The following POLR3B variants were observed in gnomAD, a reference collection of about 807,000 sequenced individuals.
The protein encoded by POLR3B is RNA polymerase III subunit B, also known as DNA-directed RNA polymerase III subunit RPC2.
POLR3B carries 96 observed loss-of-function variants against 147.4 expected under a neutral mutation model. That is an observed-to-expected ratio of 0.65 (90% CI 0.55 to 0.77). The LOEUF (loss-of-function observed/expected upper bound fraction) is 0.77, where lower values mean the gene tolerates loss of function less well. Among genes scored for constraint, POLR3B ranks in the 30% least tolerant of loss-of-function variants. The pLI, the probability that POLR3B is intolerant of heterozygous loss-of-function variation, is 0.00. For synonymous variants in POLR3B, 461 were observed against 485.9 expected, an observed-to-expected ratio of 0.95 and a Z score of 0.67; for missense variants, 1,036 against 1,413.5, an observed-to-expected ratio of 0.73 and a Z score of 4.28.
intron 10 of POLR3B, among the ~76,000 whole-genome samples, chr12:106,403,371 A>G (rs1243735740): frequency 1.3e-5 from 2 of 150,298 alleles, no homozygotes; most frequent in African/African-American, 4.9e-5. Flanking sequence ...GGGACTGTAA[A>G]CTAGTTCAAC....
At chr12:106,481,401 G>C (rs921426396) in intron 23 of POLR3B, among the ~76,000 whole-genome samples, 7 of 152,214 alleles carry the variant, frequency 4.6e-5, no homozygotes, top group Non-Finnish European at 1.0e-4. Flanking sequence ...GGATTGGGCG[G>C]CTTTGACTCA....
rs769844445 is a variant in POLR3B at position 106,427,380 on chromosome 12, TA to T, written c.1263+23del. ...TACCGTAAGTCTTCAGTCACTCTTTTAGGATTTTGTAATTTATTTGTAAACC... is the reference window on the plus strand; with the variant it reads ...TACCGTAAGTCTTCAGTCACTCTTTTGGATTTTGTAATTTATTTGTAAACC... On this transcript the variant is annotated intron_variant, in intron 13 of 27. Coordinates refer to ENST00000228347, the MANE Select transcript of POLR3B (RefSeq NM_018082.6). 9 of 1,603,406 alleles carry T rather than the reference TA, an allele frequency of 5.6e-6. No individual in the cohort carries two copies. In the South Asian group the frequency reaches 8.8e-5, roughly 16 times the overall value.
chr12:106,435,365 G>A (rs368916640), intron 16 of POLR3B, among the ~76,000 whole-genome samples: 62 of 151,700 alleles, frequency 4.1e-4, no homozygotes, highest in African/African-American at 1.4e-3. Context: ...GGCTGGTCTC[G>A]AACTCCTGGC....
chr12:106,481,346 G>A (rs2038265307), intron 23 of POLR3B, among the ~76,000 whole-genome samples: 1 of 152,244 alleles, frequency 6.6e-6, no homozygotes, highest in Non-Finnish European at 1.5e-5. Context: ...GAAGGGATCA[G>A]AGTCTGGACA....
At chr12:106,419,114 C>T (rs1293240496) in intron 12 of POLR3B, among the ~76,000 whole-genome samples, 2 of 152,184 alleles carry the variant, frequency 1.3e-5, no homozygotes, top group East Asian at 1.9e-4. Context: ...TTGCCAGTTT[C>T]CACAGGAAGT....
At chr12:106,466,130 T>G (rs1246483265) in intron 23 of POLR3B, among the ~76,000 whole-genome samples, 1 of 152,226 alleles carries the variant, frequency 6.6e-6, no homozygotes, top group Non-Finnish European at 1.5e-5. Flanking sequence ...TCCTGACTTT[T>G]TAATGATCGC....
At chr12:106,385,446 T>C (rs950783986) in intron 9 of POLR3B, among the ~76,000 whole-genome samples, 4 of 152,162 alleles carry the variant, frequency 2.6e-5, no homozygotes, top group African/African-American at 9.7e-5. Context: ...TCAATAGTTA[T>C]GATAGTGGAA....
At chr12:106,427,072 A>G (rs1020698101) in intron 12 of POLR3B, 125 bp from the exon 13 acceptor site, 5 of 686,488 alleles carry the variant, frequency 7.3e-6, no homozygotes, top group Non-Finnish European at 1.2e-5. Flanking sequence ...GAAAATAGCA[A>G]TTTTTTTTCT....
At chr12:106,489,746 A>G (rs2038384260) in intron 23 of POLR3B, among the ~76,000 whole-genome samples, 1 of 152,202 alleles carries the variant, frequency 6.6e-6, no homozygotes. Context: ...AAAGAACCTG[A>G]TTTAAAGTAA....
At chr12:106,388,697 G>A (rs1326410927) in intron 9 of POLR3B, among the ~76,000 whole-genome samples, 1 of 152,204 alleles carries the variant, frequency 6.6e-6, no homozygotes, top group East Asian at 1.9e-4. Context: ...TGGGACTACT[G>A]TGAGTAATAA....
intron 9 of POLR3B, among the ~76,000 whole-genome samples, chr12:106,391,351 C>T (rs1375784248): frequency 6.6e-6 from 1 of 152,126 alleles, no homozygotes; most frequent in African/African-American, 2.4e-5. Flanking sequence ...TCATACGTGC[C>T]ACCTTCACAT....
At chr12:106,404,058 G>C (rs1348757951) in intron 10 of POLR3B, among the ~76,000 whole-genome samples, 1 of 150,936 alleles carries the variant, frequency 6.6e-6, no homozygotes, top group Non-Finnish European at 1.5e-5. Flanking sequence ...GTACCATTTT[G>C]CATTTACACC....
chr12:106,369,757 T>G, intron 6 of POLR3B, 74 bp downstream of exon 6: 1 of 966,790 alleles, frequency 1.0e-6, no homozygotes. Context: ...TTTCCTCATC[T>G]GAAAAATGCA....
intron 19 of POLR3B, among the ~76,000 whole-genome samples, chr12:106,452,022 G>T (rs760786723): frequency 2.0e-5 from 3 of 152,052 alleles, no homozygotes; most frequent in African/African-American, 7.2e-5. Context: ...TATATGTAAC[G>T]CCCTTTTTAA....
intron 10 of POLR3B, among the ~76,000 whole-genome samples, chr12:106,400,191 C>G (rs954131576): frequency 1.2e-4 from 18 of 152,240 alleles, no homozygotes; most frequent in Admixed American, 5.2e-4. Flanking sequence ...ATCCTAGTCT[C>G]TGATAAAACA....
At chr12:106,440,725 C>CTTT (rs139194243) in intron 18 of POLR3B, among the ~76,000 whole-genome samples, 2 of 143,256 alleles carry the variant, frequency 1.4e-5, no homozygotes, top group South Asian at 4.4e-4. Flanking sequence ...CTCTTTACTA[C>CTTT]TTTTTTTTTT....
Position 106,358,116 on chromosome 12 carries a change from C to T in POLR3B, c.72+165C>T, listed in dbSNP as rs1281890356. ...CGCTTGCGAGTCTTTTTTCCAGAGC[C>T]GGCCTCCGCGTGCGCGAGTGAAGGC... On this transcript the variant is annotated intron_variant, in intron 1 of 27. Coordinates refer to ENST00000228347, the MANE Select transcript of POLR3B (RefSeq NM_018082.6). The T allele has an allele frequency of 1.3e-5, 19 of 1,491,478 alleles. No individual in the cohort carries two copies. In the East Asian group the frequency reaches 3.2e-4, roughly 25 times the overall value. The allele number at this position is 1,491,478 out of a possible 1,614,324, so 92.4% of individuals were successfully genotyped here. A position where few individuals can be genotyped will look rare whatever the true frequency, so the allele number is the denominator to read the frequency against.
At chr12:106,427,472 T>A in intron 13 of POLR3B, 114 bp downstream of exon 13, 1 of 976,506 alleles carries the variant, frequency 1.0e-6, no homozygotes, top group Non-Finnish European at 1.6e-6. Flanking sequence ...TCAAAACGAA[T>A]GTTTACAAAG....
intron 19 of POLR3B, chr12:106,446,417 C>CACAA: frequency 6.4e-6 from 1 of 156,698 alleles, no homozygotes; most frequent in Non-Finnish European, 1.2e-5. Flanking sequence ...CCTCTCCCCA[C>CACAA]AAAAAAAAAA....
Sources: gnomAD v4.1 joint callset for allele counts (sites outside exome capture counted in the v4.1 genomes callset) on GRCh38, gnomAD v4.1.1 for gene constraint, MANE v1.5 for transcripts, NCBI Gene and HGNC (gene_info 2026-07-23, HGNC 2026-07-21) for gene names.